Variants in ROBO2 observed in about 807,000 individuals in gnomAD.
ROBO2 encodes roundabout guidance receptor 2.
ROBO2 carries 53 observed loss-of-function variants against 160.8 expected under a neutral mutation model. That is an observed-to-expected ratio of 0.33 (90% CI 0.26 to 0.41). The LOEUF (loss-of-function observed/expected upper bound fraction) is 0.41. ROBO2 is among the 10% of genes least tolerant of loss of function. The pLI is 1.00. For missense variants in ROBO2, 1,577 were observed against 1,722.4 expected, an observed-to-expected ratio of 0.92 and a Z score of 1.49; for synonymous variants, 664 against 611.7, an observed-to-expected ratio of 1.09 and a Z score of -1.26.
Position 77,309,391 on chromosome 3 carries a change from G to A in ROBO2, c.389-168023G>A, listed in dbSNP as rs1203096633. On this transcript the variant is annotated intron_variant, in intron 2 of 25. Transcript: ENST00000461745. ...AAATGGGAAATATTCTTTTGTAGTTGGTTGTTCCTAAATTCTGGTGTTTTC... is the reference window on the plus strand; with the variant it reads ...AAATGGGAAATATTCTTTTGTAGTTAGTTGTTCCTAAATTCTGGTGTTTTC... Among the ~76,000 whole-genome samples, 3 of 152,232 alleles carry A rather than the reference G, an allele frequency of 2.0e-5. No individual in the cohort carries two copies. The East Asian group carries it at 5.8e-4, about 29-fold the overall frequency.
At chr3:76,798,111 AAG>A (rs1488336191) in intron 2 of ROBO2, among the ~76,000 whole-genome samples, 4 of 146,956 alleles carry the variant, frequency 2.7e-5, no homozygotes, top group Non-Finnish European at 4.5e-5. Context: ...AAAAAAAAGA[AAG>A]AAGAGAAAGA....
intron 2 of ROBO2, among the ~76,000 whole-genome samples, chr3:76,856,335 T>C (rs1300205911): frequency 6.6e-6 from 1 of 152,216 alleles, no homozygotes; most frequent in Non-Finnish European, 1.5e-5. Context: ...TACAACATGA[T>C]GTTTTAAGAC....
intron 6 of ROBO2, 47 bp downstream of exon 6, chr3:77,522,949 T>C: frequency 1.2e-6 from 2 of 1,601,500 alleles, no homozygotes; most frequent in Non-Finnish European, 1.7e-6. Flanking sequence ...GAGACTAATA[T>C]TTGGTTAAAT....
chr3:77,474,281 G>T (rs1276558096), intron 2 of ROBO2, among the ~76,000 whole-genome samples: 1 of 152,066 alleles, frequency 6.6e-6, no homozygotes, highest in Non-Finnish European at 1.5e-5. Flanking sequence ...ATACCATAGC[G>T]GTGTTAGGCA....
intron 2 of ROBO2, among the ~76,000 whole-genome samples, chr3:77,400,220 G>A (rs563788148): frequency 2.6e-5 from 4 of 152,286 alleles, no homozygotes; most frequent in Admixed American, 1.3e-4. Context: ...CTTTAAAAAT[G>A]ATAGGGTTAG....
intron 2 of ROBO2, among the ~76,000 whole-genome samples, chr3:76,873,467 A>C (rs558153504): frequency 6.9e-4 from 105 of 152,360 alleles, no homozygotes; most frequent in Non-Finnish European, 1.1e-3. Context: ...GAATGAAATA[A>C]ATAATTTGCT....
intron 2 of ROBO2, among the ~76,000 whole-genome samples, chr3:76,840,533 C>T (rs1429496198): frequency 6.6e-6 from 1 of 150,852 alleles, no homozygotes; most frequent in African/African-American, 2.4e-5. Flanking sequence ...TCGCTTGAAC[C>T]CAGAAGGTGG....
At chr3:77,219,063 G>T (rs2085364442) in intron 2 of ROBO2, among the ~76,000 whole-genome samples, 1 of 152,004 alleles carries the variant, frequency 6.6e-6, no homozygotes, top group Non-Finnish European at 1.5e-5. Context: ...TTGCCTTCTG[G>T]GTTCAAGTGA....
At chr3:77,608,067 T>A in intron 21 of ROBO2, 113 bp downstream of exon 22, 1 of 932,676 alleles carries the variant, frequency 1.1e-6, no homozygotes, top group Admixed American at 2.0e-5. Context: ...CCCACCACCA[T>A]GTTCATTGCA....
intron 2 of ROBO2, among the ~76,000 whole-genome samples, chr3:76,866,924 G>A (rs2071432699): frequency 1.3e-5 from 2 of 152,074 alleles, no homozygotes; most frequent in African/African-American, 4.8e-5. Flanking sequence ...CTCATTTAAT[G>A]AACTATATGT....
intron 2 of ROBO2, among the ~76,000 whole-genome samples, chr3:76,116,919 T>C (rs2070496354): frequency 6.6e-6 from 1 of 152,174 alleles, no homozygotes. Context: ...GACATTACTC[T>C]AGCTAGTAGA....
At chr3:77,158,936 G>A (rs2150592260) in intron 2 of ROBO2, among the ~76,000 whole-genome samples, 1 of 152,122 alleles carries the variant, frequency 6.6e-6, no homozygotes, top group Non-Finnish European at 1.5e-5. Context: ...CGTTTACCCT[G>A]AATAAGACAT....
chr3:77,230,096 G>GTTTTTTTTTTTTTTTTTTTTTTTTTTTT (rs531019924), intron 2 of ROBO2, among the ~76,000 whole-genome samples: 11 of 146,590 alleles, frequency 7.5e-5, no homozygotes, highest in African/African-American at 2.7e-4. Flanking sequence ...ATGCTAGACA[G>GTTTTTTTTTTTTTTTTTTTTTTTTTTTT]TTTTTTTTTT....
chr3:77,068,551 C>T (rs1453394176), intron 1 of ROBO2, among the ~76,000 whole-genome samples: 1 of 152,044 alleles, frequency 6.6e-6, no homozygotes, highest in Non-Finnish European at 1.5e-5. Context: ...CACTAACTTG[C>T]CTGTTAGTCA....
chr3:76,381,417 C>T (rs1490802445), intron 2 of ROBO2, among the ~76,000 whole-genome samples: 3 of 151,992 alleles, frequency 2.0e-5, no homozygotes, highest in Admixed American at 6.6e-5. Flanking sequence ...GTGGCATGAT[C>T]TCTGCTCACT....
At chr3:77,069,274 G>A (rs1008395727) in intron 1 of ROBO2, among the ~76,000 whole-genome samples, 8 of 152,130 alleles carry the variant, frequency 5.3e-5, no homozygotes, top group Admixed American at 1.3e-4. Context: ...GAAGGAAGAG[G>A]TCTGAATGTG....
At chr3:77,305,998 G>A (rs1021976339) in intron 2 of ROBO2, among the ~76,000 whole-genome samples, 2 of 151,994 alleles carry the variant, frequency 1.3e-5, no homozygotes, top group African/African-American at 4.8e-5. Context: ...CAAATCTAGA[G>A]ACACAAAAAT....
intron 2 of ROBO2, among the ~76,000 whole-genome samples, chr3:77,338,392 C>T (rs527625355): frequency 6.6e-6 from 1 of 151,992 alleles, no homozygotes; most frequent in Admixed American, 6.6e-5. Flanking sequence ...ACAGGATCAC[C>T]ACGACCTTAC....
At chr3:77,466,368 A>G (rs1207491438) in intron 2 of ROBO2, among the ~76,000 whole-genome samples, 1 of 152,168 alleles carries the variant, frequency 6.6e-6, no homozygotes, top group Non-Finnish European at 1.5e-5. Flanking sequence ...AAAATTCAAA[A>G]TTCGAATATA....
Sources: allele counts gnomAD v4.1 joint callset (sites outside exome capture counted in the v4.1 genomes callset), GRCh38; gene constraint gnomAD v4.1.1; transcripts MANE v1.5; gene names NCBI Gene and HGNC (gene_info 2026-07-23, HGNC 2026-07-21).